TEX15: variants seen among roughly 807,000 people sequenced by gnomAD.
The protein encoded by TEX15 is testis expressed 15, meiosis and synapsis associated, also known as testis-expressed protein 15.
A neutral mutation model predicts 237.3 loss-of-function variants in TEX15; 171 were observed. That is an observed-to-expected ratio of 0.72 (90% confidence interval 0.64 to 0.82). The LOEUF (loss-of-function observed/expected upper bound fraction) is 0.82. Ranked by LOEUF, TEX15 falls within the 40% of genes least tolerant of loss-of-function variation. The pLI is 0.00. For synonymous variants in TEX15, 1,338 were observed against 1,269.8 expected (o/e 1.05, Z -1.14); for missense variants, 3,750 against 3,646.5 (o/e 1.03, Z -0.73).
At position 30,888,011 on chromosome 8, in the gene TEX15, A is replaced by G. The variant is rs116382644; in HGVS notation, c.-9-700T>C. Reference sequence around the variant, plus strand: ...ACCAAAAGTCTCCCTGCTCCTGAAAAGCTCAAAAACTTACACCCATAACAA... The same window carrying G: ...ACCAAAAGTCTCCCTGCTCCTGAAAGGCTCAAAAACTTACACCCATAACAA... On this transcript the variant is annotated intron_variant, in intron 2 of 10. Transcript: ENST00000643185. Among the ~76,000 whole-genome samples the G allele has an allele frequency of 3.4e-3, 513 of 149,998 alleles. 2 individuals are homozygous for G. The highest frequency in any genetic ancestry group is 0.014 in the Middle Eastern group (4 of 284).
intron 3 of TEX15, among the ~76,000 whole-genome samples, chr8:30,881,073 T>C (rs959973844): frequency 3.3e-5 from 5 of 152,184 alleles, no homozygotes; most frequent in African/African-American, 1.2e-4. Context: ...AGTATTATGT[T>C]GAATAAGAGT....
chr8:30,842,071 A>G lies in TEX15; in HGVS notation c.8096T>C (p.Val2699Ala), dbSNP rs1411220501. The change falls in exon 8 of 11, where the codon GTA becomes GCA. Residue 2699 changes from valine (V) to alanine (A), a missense_variant. Val to Ala is a moderately conservative substitution (Grantham distance 64). Coordinates refer to ENST00000643185, the MANE Select transcript of TEX15 (RefSeq NM_001350162.2). ...TTCCTGAGAGTCTTCACATTTGTCT[A>G]CAGTGCTCGGTCGTTTTTTAGAGGA... The part of the protein sequence containing the change: ...SNSSKKRPST[V>A]DKCEDSQEQQ... The G allele has an allele frequency of 6.2e-7, 1 of 1,613,292 alleles. No individual in the cohort carries two copies. The highest frequency in any genetic ancestry group is 8.5e-7 in the Non-Finnish European group (1 of 1,179,780).
At chr8:30,903,002 T>C (rs1413149701) in intron 1 of TEX15, among the ~76,000 whole-genome samples, 1 of 152,238 alleles carries the variant, frequency 6.6e-6, no homozygotes, top group Non-Finnish European at 1.5e-5. Flanking sequence ...TTAAACTATG[T>C]GGTTAAACTA....
chr8:30,842,141 T>A lies in TEX15; in HGVS notation c.8026A>T (p.Met2676Leu). The A allele has an allele frequency of 1.2e-6, 2 of 1,612,934 alleles. No individual in the cohort carries two copies. Among genetic ancestry groups the A allele is most frequent in the Non-Finnish European group, 1.7e-6 (2 of 1,179,458 alleles). The change falls in exon 8 of 11, where the codon ATG becomes TTG. Residue 2676 changes from methionine to leucine, a missense_variant. Coordinates refer to ENST00000643185, the MANE Select transcript of TEX15 (RefSeq NM_001350162.2). Reference sequence around the variant, plus strand: ...ATGCACTCTGATACTGGGGGCAACATCGTAGAAATACTAAATTTATTGTTA... The same window carrying A: ...ATGCACTCTGATACTGGGGGCAACAACGTAGAAATACTAAATTTATTGTTA... ...ENNNKFSISTMLPPVSECINK... is the reference protein window; with the variant it reads ...ENNNKFSISTLLPPVSECINK...
intron 9 of TEX15, among the ~76,000 whole-genome samples, chr8:30,838,652 CT>C (rs1481785225): frequency 4.7e-5 from 7 of 150,482 alleles, no homozygotes; most frequent in African/African-American, 1.7e-4. Context: ...TGGGAATTGT[CT>C]AAAGCCAGAC....
Position 30,858,699 on chromosome 8 carries a change from T to G in TEX15, c.819A>C (p.Arg273Ser). Residue 273 changes from arginine (R) to serine (S), a missense_variant, in exon 7 of 11, where the codon AGA (arginine) becomes AGC (serine). Physicochemically the swap from Arg to Ser is moderately radical, Grantham distance 110. Coordinates refer to ENST00000643185, the MANE Select transcript of TEX15 (RefSeq NM_001350162.2). ...TCTTAGGAAATCCTGTTGAGAGGAA[T>G]CTCAAAGATGTCATAAGGCGTCCAT... ...VDNGRLMTSL[R>S]FLSTGFPKRA... The G allele has an allele frequency of 6.5e-7, 1 of 1,535,570 alleles. No homozygotes were observed. Among genetic ancestry groups the G allele is most frequent in the Non-Finnish European group, 8.7e-7 (1 of 1,146,684 alleles).
chr8:30,878,829 GTTTAGTT>G (rs1215797159), intron 3 of TEX15, among the ~76,000 whole-genome samples: 6 of 152,178 alleles, frequency 3.9e-5, no homozygotes, highest in Non-Finnish European at 2.9e-5. Context: ...ATGGCTGCAT[GTTTAGTT>G]TTTAAAGATG....
intron 7 of TEX15, among the ~76,000 whole-genome samples, chr8:30,856,088 G>C (rs1468087784): frequency 6.6e-6 from 1 of 152,062 alleles, no homozygotes; most frequent in Non-Finnish European, 1.5e-5. Flanking sequence ...TGGGATTATA[G>C]GCGCCTGGCA....
Position 30,842,529 on chromosome 8 carries a change from T to C in TEX15, c.7638A>G (p.Gln2546=). The C allele has an allele frequency of 6.2e-7, 1 of 1,611,332 alleles. No homozygotes were observed. Among genetic ancestry groups the C allele is most frequent in the Non-Finnish European group, 8.5e-7 (1 of 1,179,672 alleles). The change falls in exon 8 of 11, where the codon CAA becomes CAG. Residue 2546 remains glutamine (Q), a synonymous_variant. Transcript: ENST00000643185. ...GAAGCTTTTTTATTTCTGAAAGTTC[T>C]TGAAGTTCTCTTGAGAGCAAATGAA... The part of the protein sequence containing the change: ...YAIHLLSREL[Q]ELSEIKKLLK...
chr8:30,904,987 C>G (rs1809070636), intron 1 of TEX15, among the ~76,000 whole-genome samples: 1 of 152,122 alleles, frequency 6.6e-6, no homozygotes, highest in Non-Finnish European at 1.5e-5. Flanking sequence ...TGAAAGAGTT[C>G]ACTTACACAT....
Position 30,842,363 on chromosome 8 carries a change from G to C in TEX15, c.7804C>G (p.Pro2602Ala). The C allele has an allele frequency of 6.2e-7, 1 of 1,613,626 alleles. No homozygotes were observed. The highest frequency in any genetic ancestry group is 8.5e-7 in the Non-Finnish European group (1 of 1,179,828). ...GCCATTTTTCCTAAATCTTTCCTAG[G>C]GGCAGACATTACATTCTTCAGCAGT... The part of the protein sequence containing the change: ...STLLKNVMSA[P>A]RKDLGKMAHI... The change falls in exon 8 of 11, where the codon CCT becomes GCT. Residue 2602 changes from proline to alanine, a missense_variant. Pro to Ala is a conservative substitution (Grantham distance 27). Coordinates refer to ENST00000643185, the MANE Select transcript of TEX15 (RefSeq NM_001350162.2).
At chr8:30,907,650 A>ATTTATATATAAAATT (rs1223804855) in intron 1 of TEX15, among the ~76,000 whole-genome samples, 3 of 142,986 alleles carry the variant, frequency 2.1e-5, no homozygotes. Context: ...TAATTTATAT[A>ATTTATATATAAAATT]TTATATATAA....
chr8:30,896,479 A>T (rs1345864930), intron 2 of TEX15, among the ~76,000 whole-genome samples: 1 of 152,148 alleles, frequency 6.6e-6, no homozygotes, highest in Non-Finnish European at 1.5e-5. Flanking sequence ...ATCCAGAGAC[A>T]AAGGCTTATA....
intron 2 of TEX15, among the ~76,000 whole-genome samples, chr8:30,896,691 T>C (rs987868300): frequency 3.3e-5 from 5 of 152,168 alleles, no homozygotes; most frequent in Admixed American, 6.6e-5. Context: ...CTCAGAAAGA[T>C]ATGCAGTATC....
At chr8:30,861,306 G>A (rs1211251523) in intron 5 of TEX15, among the ~76,000 whole-genome samples, 1 of 152,014 alleles carries the variant, frequency 6.6e-6, no homozygotes, top group Non-Finnish European at 1.5e-5. Flanking sequence ...TGTTTTCTAA[G>A]AATATGTGCC....
intron 1 of TEX15, among the ~76,000 whole-genome samples, chr8:30,907,593 ATATT>A (rs1400827227): frequency 6.9e-6 from 1 of 144,100 alleles, no homozygotes; most frequent in East Asian, 2.0e-4. Context: ...AATATACATT[ATATT>A]TAATTATATA....
chr8:30,865,663 G>A (rs568627949), intron 5 of TEX15, among the ~76,000 whole-genome samples: 30 of 152,168 alleles, frequency 2.0e-4, no homozygotes, highest in South Asian at 1.2e-3. Context: ...ATCAATAAAC[G>A]TGATAGATCA....
At chr8:30,869,256 G>A (rs759288189) in intron 4 of TEX15, among the ~76,000 whole-genome samples, 7 of 151,872 alleles carry the variant, frequency 4.6e-5, no homozygotes, top group African/African-American at 1.2e-4. Flanking sequence ...TTCCATTTCA[G>A]AAACAATAGG....
intron 1 of TEX15, among the ~76,000 whole-genome samples, chr8:30,901,650 A>C (rs1420354997): frequency 6.6e-6 from 1 of 152,242 alleles, no homozygotes; most frequent in Non-Finnish European, 1.5e-5. Flanking sequence ...GGAAAAATTA[A>C]GCTTGAAATA....
Sources: allele counts gnomAD v4.1 joint callset (sites outside exome capture counted in the v4.1 genomes callset), GRCh38; gene constraint gnomAD v4.1.1; transcripts MANE v1.5; gene names NCBI Gene and HGNC (gene_info 2026-07-23, HGNC 2026-07-21).